The following NOTCH2NLC variants were observed in gnomAD, a reference collection of about 807,000 sequenced individuals.
NOTCH2NLC encodes the protein notch 2 N-terminal like C.
Under a neutral mutation model 17.7 loss-of-function variants are expected in NOTCH2NLC, and 4 were observed. The ratio of observed to expected loss-of-function variants is 0.23; its 90% CI spans 0.11 to 0.52. The LOEUF is 0.52. NOTCH2NLC is among the 20% of genes least tolerant of loss of function. NOTCH2NLC has a pLI of 0.96. For missense variants in NOTCH2NLC, 57 were observed against 207.2 expected (o/e 0.28, Z 4.45); for synonymous variants, 18 against 86.0 (o/e 0.21, Z 4.38).
intron 3 of NOTCH2NLC, among the ~76,000 whole-genome samples, chr1:149,461,364 G>A (rs2101512828): frequency 6.7e-6 from 1 of 149,596 alleles, no homozygotes; most frequent in South Asian, 2.1e-4. Context: ...AAGAAGAATT[G>A]CAGTTCCTTC....
chr1:149,430,885 G>A (rs1216439371), intron 1 of NOTCH2NLC, 57 bp from the exon 2 acceptor site: 9 of 194,750 alleles, frequency 4.6e-5, no homozygotes, highest in African/African-American at 1.3e-4. Context: ...GGTGTCTGAG[G>A]GTTATGATTA....
intron 1 of NOTCH2NLC, among the ~76,000 whole-genome samples, chr1:149,409,496 A>G (rs1156737772): frequency 1.3e-5 from 2 of 149,080 alleles, no homozygotes; most frequent in African/African-American, 2.5e-5. Flanking sequence ...TTTAATAACC[A>G]TCTGTGGAGT....
At chr1:149,448,755 T>C (rs1305125732) in intron 2 of NOTCH2NLC, among the ~76,000 whole-genome samples, 4 of 147,060 alleles carry the variant, frequency 2.7e-5, no homozygotes, top group Non-Finnish European at 4.6e-5. Context: ...AGCCTCACTT[T>C]TTAAAGAGGT....
chr1:149,433,943 G>C (rs2084468573), intron 2 of NOTCH2NLC, among the ~76,000 whole-genome samples: 1 of 145,330 alleles, frequency 6.9e-6, no homozygotes, highest in Non-Finnish European at 1.5e-5. Context: ...GTGAGACTGT[G>C]TCTCCAAAAA....
At chr1:149,424,998 C>T (rs1337173116) in intron 1 of NOTCH2NLC, among the ~76,000 whole-genome samples, 6 of 151,302 alleles carry the variant, frequency 4.0e-5, no homozygotes, top group African/African-American at 1.2e-4. Context: ...TTGGGGATTA[C>T]GTTTCAACGT....
At chr1:149,416,806 G>T (rs2101476370) in intron 1 of NOTCH2NLC, among the ~76,000 whole-genome samples, 1 of 147,724 alleles carries the variant, frequency 6.8e-6, no homozygotes, top group African/African-American at 2.5e-5. Context: ...TTCAAAAGTG[G>T]GGTTCTTTTG....
chr1:149,413,540 T>C (rs2084311416), intron 1 of NOTCH2NLC, among the ~76,000 whole-genome samples: 1 of 151,208 alleles, frequency 6.6e-6, no homozygotes, highest in African/African-American at 2.4e-5. Context: ...CTTGTTTAAT[T>C]ACCAATTATT....
intron 3 of NOTCH2NLC, among the ~76,000 whole-genome samples, chr1:149,461,651 T>C (rs1250416602): frequency 1.3e-5 from 2 of 151,406 alleles, no homozygotes; most frequent in African/African-American, 2.4e-5. Flanking sequence ...CAAAGAATTA[T>C]AAATCGTGCT....
chr1:149,401,836 G>T lies in NOTCH2NLC; in HGVS notation c.135+10914G>T, dbSNP rs2084247841. ...CTGCCTCAGTTTTTTCCATTTTAAA[G>T]ATGAAGATATTGTTTGGAAGGACCA... On this transcript the variant is annotated intron_variant, in intron 1 of 4. Transcript: ENST00000650865. Among the ~76,000 whole-genome samples, 8 of 91,406 alleles carry T rather than the reference G, an allele frequency of 8.8e-5. No individual in the cohort carries two copies. In the South Asian group the frequency reaches 3.5e-3, roughly 40 times the overall value. 60.0% of individuals were successfully genotyped at this position (91,406 alleles called of 152,430 possible). A position where few individuals can be genotyped will look rare whatever the true frequency, so the allele number is the denominator to read the frequency against.
intron 2 of NOTCH2NLC, among the ~76,000 whole-genome samples, chr1:149,440,652 A>AG: frequency 2.1e-5 from 1 of 46,718 alleles, no homozygotes; most frequent in Non-Finnish European, 4.3e-5. Flanking sequence ...ATGGATAGGT[A>AG]GGAGAAGGGT....
At chr1:149,402,231 C>T (rs1306374856) in intron 1 of NOTCH2NLC, among the ~76,000 whole-genome samples, 1 of 150,492 alleles carries the variant, frequency 6.6e-6, no homozygotes, top group Non-Finnish European at 1.5e-5. Context: ...AGGCATGCAC[C>T]ACAACGCCTG....
chr1:149,461,009 A>G (rs1314056351), intron 3 of NOTCH2NLC, among the ~76,000 whole-genome samples: 7 of 144,622 alleles, frequency 4.8e-5, no homozygotes, highest in Admixed American at 2.8e-4. Context: ...GTCTCGGCTC[A>G]CTGCAACCTC....
At chr1:149,428,989 T>G (rs1222216973) in intron 1 of NOTCH2NLC, among the ~76,000 whole-genome samples, 3,777 of 146,176 alleles carry the variant, frequency 0.026, 193 homozygotes, top group Non-Finnish European at 0.04. Context: ...GTTTGAGAAC[T>G]TTGGTATGGA....
At chr1:149,420,108 G>A (rs2084371165) in intron 1 of NOTCH2NLC, among the ~76,000 whole-genome samples, 1 of 149,972 alleles carries the variant, frequency 6.7e-6, no homozygotes, top group African/African-American at 2.4e-5. Context: ...CTGACCTCGT[G>A]ATCCGCCCAC....
At chr1:149,423,724 A>C in intron 1 of NOTCH2NLC, among the ~76,000 whole-genome samples, 1 of 148,470 alleles carries the variant, frequency 6.7e-6, no homozygotes. Context: ...GTATTTTAGG[A>C]GCCTCAGACA....
chr1:149,449,903 G>A (rs1453338294), intron 2 of NOTCH2NLC, among the ~76,000 whole-genome samples: 9 of 149,526 alleles, frequency 6.0e-5, no homozygotes, highest in African/African-American at 2.0e-4. Context: ...GGCCTTTTGT[G>A]TGTGGCTTCT....
At chr1:149,396,044 C>T (rs1277859247) in intron 1 of NOTCH2NLC, among the ~76,000 whole-genome samples, 2 of 151,206 alleles carry the variant, frequency 1.3e-5, no homozygotes, top group African/African-American at 4.9e-5. Context: ...AGGTCTTAGT[C>T]ACAGCATCTA....
chr1:149,398,779 G>T (rs1222280166), intron 1 of NOTCH2NLC, among the ~76,000 whole-genome samples: 3 of 151,156 alleles, frequency 2.0e-5, no homozygotes, highest in Non-Finnish European at 4.4e-5. Flanking sequence ...CTGGAGGCTT[G>T]CCTAGGGCAG....
At chr1:149,416,100 G>A (rs1273211550) in intron 1 of NOTCH2NLC, among the ~76,000 whole-genome samples, 2 of 130,732 alleles carry the variant, frequency 1.5e-5, no homozygotes, top group Non-Finnish European at 3.3e-5. Flanking sequence ...GCATTTTGTG[G>A]GACAGTATAC....
Sources: gnomAD v4.1 joint callset for allele counts (sites outside exome capture counted in the v4.1 genomes callset) on GRCh38, gnomAD v4.1.1 for gene constraint, MANE v1.5 for transcripts, NCBI Gene and HGNC (gene_info 2026-07-23, HGNC 2026-07-21) for gene names.